Variants in COPB2 observed in about 807,000 individuals in gnomAD.
COPB2 encodes the protein coat protein complex I subunit beta 2.
Under a neutral mutation model 120.8 loss-of-function variants are expected in COPB2, and 16 were observed. The observed-to-expected ratio is 0.13, with a 90% confidence interval of 0.09 to 0.20. The LOEUF (loss-of-function observed/expected upper bound fraction) is 0.20, where lower values mean the gene tolerates loss of function less well. COPB2 is among the 10% of genes least tolerant of loss of function. The pLI is 1.00. For missense variants in COPB2, 794 were observed against 1,076.5 expected, an observed-to-expected ratio of 0.74 and a Z score of 3.67; for synonymous variants, 332 against 366.3, an observed-to-expected ratio of 0.91 and a Z score of 1.07.
intron 14 of COPB2, 103 bp from the exon 15 acceptor site, chr3:139,366,878 C>T: frequency 6.7e-7 from 1 of 1,483,834 alleles, no homozygotes; most frequent in Non-Finnish European, 9.2e-7. Flanking sequence ...ATTTGATTGA[C>T]ACAATTCTGG....
At chr3:139,372,471 C>A (rs1454251082) in intron 9 of COPB2, among the ~76,000 whole-genome samples, 1 of 152,230 alleles carries the variant, frequency 6.6e-6, no homozygotes, top group South Asian at 2.1e-4. Context: ...GCAAAACTTA[C>A]AGCCAAGAAT....
chr3:139,367,064 A>G lies in COPB2; in HGVS notation c.1627T>C (p.Leu543=). The part of the protein sequence containing the change: ...CFIYTSSVNR[L]NYYVGGEIVT... Reference sequence around the variant, plus strand: ...ATTTCTCCTCCAACATAATAATTTAATCTGTTCACAGAACTTGTGTAAATG... The same window carrying G: ...ATTTCTCCTCCAACATAATAATTTAGTCTGTTCACAGAACTTGTGTAAATG... Residue 543 remains leucine, a synonymous_variant, in exon 14 of 22, where the codon TTA becomes CTA. Coordinates refer to ENST00000333188, the MANE Select transcript of COPB2 (RefSeq NM_004766.3). The G allele has an allele frequency of 6.2e-7, 1 of 1,613,902 alleles. No individual in the cohort carries two copies. Among genetic ancestry groups the G allele is most frequent in the Non-Finnish European group, 8.5e-7 (1 of 1,179,880 alleles).
At chr3:139,360,141 A>G (rs1030811055) in intron 17 of COPB2, among the ~76,000 whole-genome samples, 5 of 151,932 alleles carry the variant, frequency 3.3e-5, no homozygotes, top group African/African-American at 1.2e-4. Flanking sequence ...ATACATTCAC[A>G]TACATACAAT....
At chr3:139,375,356 C>T in intron 6 of COPB2, 112 bp downstream of exon 6, 1 of 1,052,506 alleles carries the variant, frequency 9.5e-7, no homozygotes, top group Non-Finnish European at 1.3e-6. Context: ...AATACTGATA[C>T]CTTAAGTTAT....
intron 4 of COPB2, 44 bp from the exon 5 acceptor site, chr3:139,378,233 T>C: frequency 6.7e-7 from 1 of 1,497,668 alleles, no homozygotes; most frequent in Non-Finnish European, 9.1e-7. Flanking sequence ...TTCTATTTTT[T>C]CACTTCATAA....
rs527762532 is a variant in COPB2 at position 139,377,329 on chromosome 3, T to C, written c.504+712A>G. Among the ~76,000 whole-genome samples the C allele has an allele frequency of 9.2e-5, 14 of 152,358 alleles. No homozygotes were observed. In the South Asian group the frequency reaches 2.7e-3, roughly 29 times the overall value. Reference sequence around the variant, plus strand: ...TGGCTCTGTCTAGAGGTGAAGTTGATGTCTGACAAGAGGTTCTCAAGAGTA... The same window carrying C: ...TGGCTCTGTCTAGAGGTGAAGTTGACGTCTGACAAGAGGTTCTCAAGAGTA... On this transcript the variant is annotated intron_variant, in intron 5 of 21. Transcript: ENST00000333188.
intron 20 of COPB2, 59 bp downstream of exon 20, chr3:139,358,685 G>GA (rs79933053): frequency 0.18 from 159,132 of 908,464 alleles, no homozygotes; most frequent in East Asian, 0.23. Flanking sequence ...TGTCTCAAAA[G>GA]AAAAAAAAAA....
chr3:139,385,459 C>T (rs1317708132), intron 1 of COPB2: 6 of 152,104 alleles, frequency 3.9e-5, no homozygotes, highest in East Asian at 1.9e-4. Context: ...ATATTGAGTT[C>T]TTTGGAGAAA....
intron 10 of COPB2, among the ~76,000 whole-genome samples, chr3:139,370,208 G>A (rs144376335): frequency 6.6e-6 from 1 of 152,286 alleles, no homozygotes; most frequent in African/African-American, 2.4e-5. Context: ...CTTATCCATG[G>A]GGGATACGTT....
chr3:139,369,673 T>A (rs890611546), intron 10 of COPB2, 129 bp from the exon 11 acceptor site: 34 of 640,718 alleles, frequency 5.3e-5, no homozygotes, highest in Non-Finnish European at 8.7e-5. Flanking sequence ...TTGAAGATTA[T>A]CTGATGTACT....
chr3:139,359,795 T>G (rs1941375998), intron 17 of COPB2, among the ~76,000 whole-genome samples: 1 of 152,194 alleles, frequency 6.6e-6, no homozygotes, highest in African/African-American at 2.4e-5. Context: ...TCTATTTTAA[T>G]TTCATTTTTT....
intron 1 of COPB2, 112 bp from the exon 2 acceptor site, chr3:139,383,547 C>T: frequency 2.0e-6 from 2 of 995,538 alleles, no homozygotes; most frequent in Non-Finnish European, 2.8e-6. Flanking sequence ...TACTACTTTG[C>T]TAAGCTTTTG....
intron 6 of COPB2, 76 bp downstream of exon 6, chr3:139,375,392 C>G: frequency 1.5e-5 from 22 of 1,447,978 alleles, no homozygotes; most frequent in Non-Finnish European, 1.9e-5. Flanking sequence ...TTTCAACAAC[C>G]CAAGTCTTAA....
chr3:139,374,692 T>C, intron 6 of COPB2, 104 bp from the exon 7 acceptor site: 1 of 758,670 alleles, frequency 1.3e-6, no homozygotes, highest in Non-Finnish European at 2.0e-6. Flanking sequence ...ATAGTAGTCA[T>C]GAAAATCTAA....
chr3:139,360,941 A>G (rs1368568987), intron 17 of COPB2, 140 bp downstream of exon 17: 2 of 830,032 alleles, frequency 2.4e-6, no homozygotes, highest in Admixed American at 2.4e-5. Flanking sequence ...CCACCAAGGC[A>G]GCACTGTCCT....
In COPB2 at chr3:139,389,412, C is replaced by A. The variant is rs1459245749; in HGVS notation, c.3+136G>T. ...TTCTCCCTTCCTGGAATCAAACGAC[C>A]AAGACCCCGCAAGGCCTGAGGCGGC... On this transcript the variant is annotated intron_variant, in intron 1 of 21. Transcript: ENST00000333188. The A allele has an allele frequency of 1.1e-5, 14 of 1,251,032 alleles. No individual in the cohort carries two copies. In the African/African-American group the frequency reaches 1.5e-4, roughly 14 times the overall value. 77.5% of individuals were successfully genotyped at this position (1,251,032 alleles called of 1,614,324 possible). A position where few individuals can be genotyped will look rare whatever the true frequency, so the allele number is the denominator to read the frequency against.
At chr3:139,379,897 T>C (rs1395260081) in intron 2 of COPB2, 1 of 171,532 alleles carries the variant, frequency 5.8e-6, no homozygotes, top group Non-Finnish European at 1.2e-5. Context: ...AAGGCAGGAA[T>C]ATTTTTCACA....
In COPB2 at chr3:139,375,492, A is replaced by G; in HGVS notation, c.627T>C (p.Arg209=). Residue 209 remains arginine (R), a synonymous_variant, in exon 6 of 22, where the codon CGT becomes CGC. Transcript: ENST00000333188. ...KPYLISGADD[R]LVKIWDYQNK... ...CCTGATAATCCCATATTTTAACAAG[A>G]CGGTCATCTGCACCTGAAATGAGGT... is the stretch of plus-strand genomic sequence containing the variant. The G allele has an allele frequency of 6.2e-7, 1 of 1,613,378 alleles. No individual in the cohort carries two copies. Among genetic ancestry groups the G allele is most frequent in the East Asian group, 2.2e-5 (1 of 44,874 alleles).
chr3:139,358,057 A>C lies in COPB2; in HGVS notation c.2626-99T>G, dbSNP rs116166163. The C allele has an allele frequency of 3.7e-4, 378 of 1,029,138 alleles. 1 individual carries two copies. The African/African-American group carries it at 5.0e-3, about 14-fold the overall frequency. The allele number at this position is 1,029,138 out of a possible 1,614,324, so 63.8% of individuals were successfully genotyped here. Reference sequence around the variant, plus strand: ...CAAAGTGAGAACTAAGATTTTCTTAATAGTCAAAAAGAGCATCTTCCCATT... The same window carrying C: ...CAAAGTGAGAACTAAGATTTTCTTACTAGTCAAAAAGAGCATCTTCCCATT... On this transcript the variant is annotated intron_variant, in intron 21 of 21. Coordinates refer to ENST00000333188, the MANE Select transcript of COPB2 (RefSeq NM_004766.3).
Sources: allele counts gnomAD v4.1 joint callset (sites outside exome capture counted in the v4.1 genomes callset), GRCh38; gene constraint gnomAD v4.1.1; transcripts MANE v1.5; gene names NCBI Gene and HGNC (gene_info 2026-07-23, HGNC 2026-07-21).